Variants in PLEKHG2 observed in about 807,000 individuals in gnomAD.
PLEKHG2 encodes pleckstrin homology domain-containing family G member 2.
Under a neutral mutation model 104.4 loss-of-function variants are expected in PLEKHG2, and 71 were observed. That is an observed-to-expected ratio of 0.68 (90% CI 0.56 to 0.83). The LOEUF is 0.83. Ranked by LOEUF, PLEKHG2 falls within the 40% of genes least tolerant of loss-of-function variation. The pLI is 0.00. For missense variants in PLEKHG2, 1,730 were observed against 1,809.4 expected, an observed-to-expected ratio of 0.96 and a Z score of 0.80; for synonymous variants, 728 against 737.0, an observed-to-expected ratio of 0.99 and a Z score of 0.20.
At position 39,425,278 on chromosome 19, in the gene PLEKHG2, C is replaced by G; in HGVS notation, c.4145C>G (p.Ala1382Gly). The change falls in exon 19 of 19, where the codon GCC becomes GGC. Residue 1382 changes from alanine to glycine, a missense_variant. Transcript: ENST00000425673. ...GLHRAQGAPDAPFHM is the reference protein window; with the variant it reads ...GLHRAQGAPDGPFHM Reference sequence around the variant, plus strand: ...CACAGGGCCCAGGGGGCTCCTGATGCCCCCTTCCACATGTGAGCCAGGACA... The same window carrying G: ...CACAGGGCCCAGGGGGCTCCTGATGGCCCCTTCCACATGTGAGCCAGGACA... 1 of 1,610,658 alleles carries G rather than the reference C, an allele frequency of 6.2e-7. No homozygotes were observed. The highest frequency in any genetic ancestry group is 8.5e-7 in the Non-Finnish European group (1 of 1,179,114).
Position 39,416,401 on chromosome 19 carries a change from G to A in PLEKHG2, c.533G>A (p.Cys178Tyr). Residue 178 changes from cysteine to tyrosine, a missense_variant, in exon 5 of 19, where the codon TGC becomes TAC. Coordinates refer to ENST00000425673, the MANE Select transcript of PLEKHG2 (RefSeq NM_022835.3). This position sits in a 1 kb window ranked among gnomAD's most constrained non-coding sequence, Gnocchi z 4.5. ...NSSSAGGIAE[C>Y]FVQRSEDFDI... Reference sequence around the variant, plus strand: ...AGCAGCGCCGGGGGTATTGCCGAGTGCTTCGTGCAGAGGGTGAGTGGAGGG... The same window carrying A: ...AGCAGCGCCGGGGGTATTGCCGAGTACTTCGTGCAGAGGGTGAGTGGAGGG... 1.9e-6 allele frequency: 3 copies of A among 1,613,206 alleles called. No homozygotes were observed. The highest frequency in any genetic ancestry group is 2.5e-6 in the Non-Finnish European group (3 of 1,179,772).
At position 39,415,266 on chromosome 19, in the gene PLEKHG2, G is replaced by A; in HGVS notation, c.378+6G>A. Reference sequence around the variant, plus strand: ...ACCTCCGCAGCATCGTGGAGGTAAGGCGGGCAGACACCAGAGGGCAGTGGG... The same window carrying A: ...ACCTCCGCAGCATCGTGGAGGTAAGACGGGCAGACACCAGAGGGCAGTGGG... On this transcript the variant is annotated splice_donor_region_variant and intron_variant, in intron 3 of 18. Coordinates refer to ENST00000425673, the MANE Select transcript of PLEKHG2 (RefSeq NM_022835.3). This position sits in a 1 kb window ranked among gnomAD's most constrained non-coding sequence, Gnocchi z 4.6. 6.3e-7 allele frequency: 1 copy of A among 1,597,148 alleles called. No homozygotes were observed. Among genetic ancestry groups the A allele is most frequent in the Non-Finnish European group, 8.5e-7 (1 of 1,171,290 alleles).
chr19:39,416,111 C>G lies in PLEKHG2; in HGVS notation c.480-237C>G, dbSNP rs2078598810. On this transcript the variant is annotated intron_variant, in intron 4 of 18. Coordinates refer to ENST00000425673, the MANE Select transcript of PLEKHG2 (RefSeq NM_022835.3). This position sits in a 1 kb window ranked among gnomAD's most constrained non-coding sequence, Gnocchi z 4.5. The stretch of plus-strand genomic sequence containing the variant: ...TAACACCCCTAGGCTCATGCCAGCA[C>G]TGACACAAGTTCAAGCTGAGGAATG... 6.6e-6 allele frequency among the ~76,000 whole-genome samples: 1 copy of G among 152,138 alleles called. No homozygotes were observed. The highest frequency in any genetic ancestry group is 2.4e-5 in the African/African-American group (1 of 41,402).
In PLEKHG2 at chr19:39,423,917, G is replaced by A. The variant is rs73547959; in HGVS notation, c.2784G>A (p.Pro928=). The change falls in exon 19 of 19, where the codon CCG becomes CCA. Residue 928 remains proline, a synonymous_variant. Transcript: ENST00000425673. ...HVSNLPKQDL[P]GIHVSAATLL... ...CCAATTTGCCTAAGCAAGACCTTCC[G>A]GGCATCCACGTTTCAGCTGCTACCC... The A allele has an allele frequency of 3.1e-4, 503 of 1,614,150 alleles. 4 individuals are homozygous for A. The African/African-American group carries it at 6.1e-3, about 19-fold the overall frequency.
intron 8 of PLEKHG2, 64 bp downstream of exon 8, chr19:39,417,756 T>TGGGGGGGGGGGGGCGTGGGGGGGGGG: frequency 1.5e-5 from 5 of 343,276 alleles, no homozygotes; most frequent in Admixed American, 5.1e-5. Context: ...TTGGGGCGGG[T>TGGGGGGGGGGGGGCGTGGGGGGGGGG]GGGGGGAAAT....
At chr19:39,421,386 G>A (rs2146005964) in intron 16 of PLEKHG2, 87 bp downstream of exon 16, 2 of 1,411,042 alleles carry the variant, frequency 1.4e-6, no homozygotes, top group South Asian at 1.2e-5. Context: ...TCCTGGGTCT[G>A]AATGAGAAGG....
chr19:39,415,698 C>T lies in PLEKHG2; in HGVS notation c.479+259C>T, dbSNP rs1176471258. Reference sequence around the variant, plus strand: ...GAGGGGCATAGCGGATGGGAGGACCCCGAGTGAGGGAGGGGCATAGCGGAT... The same window carrying T: ...GAGGGGCATAGCGGATGGGAGGACCTCGAGTGAGGGAGGGGCATAGCGGAT... On this transcript the variant is annotated intron_variant, in intron 4 of 18. Coordinates refer to ENST00000425673, the MANE Select transcript of PLEKHG2 (RefSeq NM_022835.3). This position sits in a 1 kb window ranked among gnomAD's most constrained non-coding sequence, Gnocchi z 4.6. 6.6e-6 allele frequency among the ~76,000 whole-genome samples: 1 copy of T among 151,134 alleles called. No individual in the cohort carries two copies. Among genetic ancestry groups the T allele is most frequent in the African/African-American group, 2.4e-5 (1 of 40,974 alleles).
In PLEKHG2 at chr19:39,419,096, G is replaced by A. The variant is rs923417607; in HGVS notation, c.1263+93G>A. 5 of 1,194,914 alleles carry A rather than the reference G, an allele frequency of 4.2e-6. No homozygotes were observed. The African/African-American group carries it at 6.1e-5, about 15-fold the overall frequency. The allele number at this position is 1,194,914 out of a possible 1,614,324, so 74.0% of individuals were successfully genotyped here. On this transcript the variant is annotated intron_variant, in intron 11 of 18. Coordinates refer to ENST00000425673, the MANE Select transcript of PLEKHG2 (RefSeq NM_022835.3). ...GACGCCCCTGCCCAATGCCAGAGCA[G>A]TCTGTTATAATGTGATTGCTAAAAG...
In PLEKHG2 at chr19:39,424,821, C is replaced by G. The variant is rs138877883; in HGVS notation, c.3688C>G (p.Pro1230Ala). The change falls in exon 19 of 19, where the codon CCA becomes GCA. Residue 1230 changes from proline (P) to alanine (A), a missense_variant. Physicochemically the swap from Pro to Ala is conservative, Grantham distance 27. Coordinates refer to ENST00000425673, the MANE Select transcript of PLEKHG2 (RefSeq NM_022835.3). Reference protein sequence around the residue: ...SLDIQGLSPTPVQTTMVLSKP... With the variant: ...SLDIQGLSPTAVQTTMVLSKP... ...AGACATTCAGGGCCTCTCACCCACC[C>G]CAGTTCAGACCACCATGGTTTTGTC... is the stretch of plus-strand genomic sequence containing the variant. 3 of 1,614,216 alleles carry G rather than the reference C, an allele frequency of 1.9e-6. No homozygotes were observed. The highest frequency in any genetic ancestry group is 3.3e-5 in the Admixed American group (2 of 60,026).
chr19:39,418,789 C>A lies in PLEKHG2; in HGVS notation c.1139C>A (p.Ser380Tyr). The A allele has an allele frequency of 6.2e-7, 1 of 1,612,574 alleles. No individual in the cohort carries two copies. Among genetic ancestry groups the A allele is most frequent in the Non-Finnish European group, 8.5e-7 (1 of 1,178,838 alleles). Residue 380 changes from serine to tyrosine, a missense_variant, in exon 10 of 19, where the codon TCT (serine) becomes TAT (tyrosine). By Grantham distance (144) the Ser-to-Tyr change is moderately radical. Transcript: ENST00000425673. ...SPRDPLGFKVSDLTIPKHRHL... is the reference protein window; with the variant it reads ...SPRDPLGFKVYDLTIPKHRHL... The stretch of plus-strand genomic sequence containing the variant: ...CGAGACCCTCTAGGGTTCAAGGTGT[C>A]TGATCTGACCATTCCCAAGCACAGA...
chr19:39,424,456 G>T lies in PLEKHG2; in HGVS notation c.3323G>T (p.Gly1108Val). 6.2e-7 allele frequency: 1 copy of T among 1,613,954 alleles called. No individual in the cohort carries two copies. The highest frequency in any genetic ancestry group is 2.2e-5 in the East Asian group (1 of 44,858). Residue 1108 changes from glycine to valine, a missense_variant, in exon 19 of 19, where the codon GGT (glycine) becomes GTT (valine). Coordinates refer to ENST00000425673, the MANE Select transcript of PLEKHG2 (RefSeq NM_022835.3). ...CACCTCCCAGACCTTCAGATTCCAG[G>T]TACCTCACCTTTGCCTGCACATGGA... The part of the protein sequence containing the change: ...PCHLPDLQIP[G>V]TSPLPAHGSH...
At position 39,424,825 on chromosome 19, in the gene PLEKHG2, T is replaced by C; in HGVS notation, c.3692T>C (p.Val1231Ala). Residue 1231 changes from valine to alanine, a missense_variant, in exon 19 of 19, where the codon GTT (valine) becomes GCT (alanine). By Grantham distance (64) the Val-to-Ala change is moderately conservative. Coordinates refer to ENST00000425673, the MANE Select transcript of PLEKHG2 (RefSeq NM_022835.3). Reference sequence around the variant, plus strand: ...ATTCAGGGCCTCTCACCCACCCCAGTTCAGACCACCATGGTTTTGTCCAAA... The same window carrying C: ...ATTCAGGGCCTCTCACCCACCCCAGCTCAGACCACCATGGTTTTGTCCAAA... ...LDIQGLSPTPVQTTMVLSKPG... is the reference protein window; with the variant it reads ...LDIQGLSPTPAQTTMVLSKPG... 6.2e-7 allele frequency: 1 copy of C among 1,614,142 alleles called. No homozygotes were observed. Among genetic ancestry groups the C allele is most frequent in the African/African-American group, 1.3e-5 (1 of 75,040 alleles).
At chr19:39,420,192 T>C (rs996274000) in intron 11 of PLEKHG2, among the ~76,000 whole-genome samples, 1 of 151,714 alleles carries the variant, frequency 6.6e-6, no homozygotes, top group African/African-American at 2.4e-5. Context: ...AAACCCCGTC[T>C]CTACTAAAAA....
At chr19:39,421,576 T>A in intron 16 of PLEKHG2, 1 of 490,220 alleles carries the variant, frequency 2.0e-6, no homozygotes, top group Non-Finnish European at 3.7e-6. Flanking sequence ...TAGTCCCAGC[T>A]ACTCAGGAGA....
In PLEKHG2 at chr19:39,416,116, A is replaced by G. The variant is rs1042816161; in HGVS notation, c.480-232A>G. On this transcript the variant is annotated intron_variant, in intron 4 of 18. Transcript: ENST00000425673. The surrounding 1 kb of genome is among the most constrained non-coding windows in gnomAD (Gnocchi z 4.5). Reference sequence around the variant, plus strand: ...CCCCTAGGCTCATGCCAGCACTGACACAAGTTCAAGCTGAGGAATGAGAAG... The same window carrying G: ...CCCCTAGGCTCATGCCAGCACTGACGCAAGTTCAAGCTGAGGAATGAGAAG... Among the ~76,000 whole-genome samples the G allele has an allele frequency of 1.3e-5, 2 of 152,140 alleles. No homozygotes were observed. The highest frequency in any genetic ancestry group is 2.1e-4 in the South Asian group (1 of 4,830).
intron 16 of PLEKHG2, 91 bp downstream of exon 16, chr19:39,421,390 G>T: frequency 7.2e-7 from 1 of 1,396,180 alleles, no homozygotes; most frequent in South Asian, 1.2e-5. Context: ...GGGTCTGAAT[G>T]AGAAGGGGAT....
intron 11 of PLEKHG2, among the ~76,000 whole-genome samples, chr19:39,419,379 T>G (rs887235825): frequency 6.6e-6 from 1 of 151,906 alleles, no homozygotes. Context: ...GGAGGATCAT[T>G]TAAGCCCGGG....
chr19:39,414,354 G>A, intron 2 of PLEKHG2, 159 bp downstream of exon 2: 1 of 676,470 alleles, frequency 1.5e-6, no homozygotes, highest in Non-Finnish European at 2.5e-6. Flanking sequence ...GGCCAGAGGG[G>A]GCAGCGCTGG....
Position 39,420,809 on chromosome 19 carries a change from A to T in PLEKHG2, c.1356A>T (p.Arg452=). The change falls in exon 13 of 19, where the codon CGA becomes CGT. Residue 452 remains arginine, a synonymous_variant. Transcript: ENST00000425673. The part of the protein sequence containing the change: ...EPLTPPLGSP[R]PRDARSFTPG... ...TGACACCCCCACTTGGGTCTCCTCGACCTCGAGATGCTAGAAGTTTTACCC... is the reference window on the plus strand; with the variant it reads ...TGACACCCCCACTTGGGTCTCCTCGTCCTCGAGATGCTAGAAGTTTTACCC... 1 of 1,614,046 alleles carries T rather than the reference A, an allele frequency of 6.2e-7. No individual in the cohort carries two copies. The highest frequency in any genetic ancestry group is 1.3e-5 in the African/African-American group (1 of 74,974).
Sources: allele counts gnomAD v4.1 joint callset (sites outside exome capture counted in the v4.1 genomes callset), GRCh38; gene constraint gnomAD v4.1.1; non-coding constraint Gnocchi (gnomAD v3.1); transcripts MANE v1.5; gene names NCBI Gene and HGNC (gene_info 2026-07-23, HGNC 2026-07-21).